OR3A2: variants seen among roughly 807,000 people sequenced by gnomAD.
OR3A2 encodes olfactory receptor 3A2.
For missense variants in OR3A2, 318 were observed against 392.8 expected (o/e 0.81, Z 1.61); for synonymous variants, 126 against 159.3 (o/e 0.79, Z 1.57).
intron 3 of OR3A2, among the ~76,000 whole-genome samples, chr17:3,316,421 A>C (rs985023134): frequency 6.6e-6 from 1 of 152,184 alleles, no homozygotes; most frequent in Non-Finnish European, 1.5e-5. Context: ...ATGATCTCAC[A>C]CACATCCCAA....
At chr17:3,316,301 T>C (rs901940725) in intron 3 of OR3A2, among the ~76,000 whole-genome samples, 1 of 152,212 alleles carries the variant, frequency 6.6e-6, no homozygotes, top group African/African-American at 2.4e-5. Context: ...TTTCAGACAT[T>C]GTGAGTTCTC....
chr17:3,326,675 G>T (rs1367098119), intron 3 of OR3A2, among the ~76,000 whole-genome samples: 1 of 146,262 alleles, frequency 6.8e-6, no homozygotes, highest in Non-Finnish European at 1.5e-5. Context: ...CTAGTATTAG[G>T]TATATCTCCC....
intron 2 of OR3A2, among the ~76,000 whole-genome samples, chr17:3,379,769 C>T (rs535798499): frequency 3.3e-5 from 5 of 152,156 alleles, no homozygotes; most frequent in African/African-American, 7.2e-5. Context: ...TAACACACCC[C>T]GTCCCTCACA....
intron 2 of OR3A2, among the ~76,000 whole-genome samples, chr17:3,340,826 C>A (rs1274376501): frequency 6.6e-6 from 1 of 152,092 alleles, no homozygotes; most frequent in Non-Finnish European, 1.5e-5. Context: ...TCCTTGTTAA[C>A]CTTCTGTCTT....
rs61742213 is a variant in OR3A2, at chr17:3,278,062, G to C, written c.856C>G (p.Pro286Ala). 9.2e-4 allele frequency: 1,478 copies of C among 1,614,084 alleles called. 9 individuals are homozygous for C. In the African/African-American group the frequency reaches 0.018, roughly 19 times the overall value. Residue 286 changes from proline (P) to alanine (A), a missense_variant, in exon 2 of 2, where the codon CCT (proline) becomes GCT (alanine). Pro to Ala is a conservative substitution (Grantham distance 27). Transcript: ENST00000642052. ...CTGTAGATAAGAGGGTTCAGCATAGGGTTGATAACAGTGTTGAAAACTCCA... is the reference window on the plus strand; with the variant it reads ...CTGTAGATAAGAGGGTTCAGCATAGCGTTGATAACAGTGTTGAAAACTCCA...
rs532715263 is a variant in OR3A2, at chr17:3,356,077, G to C, written c.-178-19951C>G. 1.4e-4 allele frequency among the ~76,000 whole-genome samples: 21 copies of C among 151,274 alleles called. 1 individual carries two copies. Among genetic ancestry groups the C allele is most frequent in the African/African-American group, 4.9e-4 (20 of 40,930 alleles). On this transcript the variant is annotated intron_variant, in intron 2 of 4. Coordinates refer to the OR3A2 transcript ENST00000573491. The stretch of plus-strand genomic sequence containing the variant: ...TTTAAACTGATGACAGCTTAACACT[G>C]AGTGCATAAACAATCAAACAAACAC...
At chr17:3,286,259 G>A (rs1341742966), upstream of OR3A2, among the ~76,000 whole-genome samples, 3 of 152,098 alleles carry the variant, frequency 2.0e-5, no homozygotes, top group Non-Finnish European at 2.9e-5. Context: ...CCTTTTTTAT[G>A]GCTGCATAGT....
chr17:3,348,077 C>T (rs1327928516), intron 2 of OR3A2, among the ~76,000 whole-genome samples: 2 of 152,076 alleles, frequency 1.3e-5, no homozygotes, highest in African/African-American at 2.4e-5. Context: ...CCTTTGCCCA[C>T]TTTTTGATGG....
chr17:3,375,245 T>TCC lies in OR3A2; in HGVS notation c.-179+8557_-179+8558dup, dbSNP rs59796994. 8.7e-5 allele frequency among the ~76,000 whole-genome samples: 4 copies of TCC among 46,006 alleles called. No individual in the cohort carries two copies. In the East Asian group the frequency reaches 3.4e-3, roughly 39 times the overall value. The allele number at this position is 46,006 out of a possible 152,430, so 30.2% of individuals were successfully genotyped here. On this transcript the variant is annotated intron_variant, in intron 2 of 4. Coordinates refer to the OR3A2 transcript ENST00000573491. ...TTTTTTTTTTCTTTTTTTTTTTTTTTCCCCCCCTTTTTGAGATAGTCTCAC... is the reference window on the plus strand; with the variant it reads ...TTTTTTTTTTCTTTTTTTTTTTTTTTCCCCCCCCCTTTTTGAGATAGTCTCAC...
intron 3 of OR3A2, among the ~76,000 whole-genome samples, chr17:3,315,822 G>A (rs562757887): frequency 3.3e-5 from 5 of 150,614 alleles, no homozygotes; most frequent in African/African-American, 1.2e-4. Flanking sequence ...AGCCTTCAGA[G>A]TGTCCCGTCA....
intron 2 of OR3A2, among the ~76,000 whole-genome samples, chr17:3,351,720 A>T (rs866843265): frequency 6.6e-6 from 1 of 150,862 alleles, no homozygotes; most frequent in Non-Finnish European, 1.5e-5. Flanking sequence ...AGCCCGCATC[A>T]CCAAGTCAAT....
At chr17:3,372,265 T>C (rs1040976428) in intron 2 of OR3A2, among the ~76,000 whole-genome samples, 27 of 144,634 alleles carry the variant, frequency 1.9e-4, no homozygotes, top group African/African-American at 4.5e-4. Context: ...CTAGATGGGA[T>C]GGCGGCCGGG....
chr17:3,301,650 C>G (rs955706536), intron 3 of OR3A2, among the ~76,000 whole-genome samples: 1 of 152,124 alleles, frequency 6.6e-6, no homozygotes, highest in African/African-American at 2.4e-5. Flanking sequence ...GTTGCCTGTT[C>G]ACTCTGATGG....
chr17:3,342,150 T>C (rs2049324251), intron 2 of OR3A2, among the ~76,000 whole-genome samples: 1 of 152,224 alleles, frequency 6.6e-6, no homozygotes, highest in Admixed American at 6.5e-5. Context: ...CTGTTTATTC[T>C]AGTTAGCCAT....
intron 2 of OR3A2, among the ~76,000 whole-genome samples, chr17:3,342,258 C>G (rs540094371): frequency 6.6e-6 from 1 of 152,342 alleles, no homozygotes; most frequent in Admixed American, 6.5e-5. Flanking sequence ...TTTCTGAAGC[C>G]TACTTCTGTC....
At chr17:3,336,583 T>G (rs766993471) in intron 2 of OR3A2, among the ~76,000 whole-genome samples, 3 of 152,192 alleles carry the variant, frequency 2.0e-5, no homozygotes, top group Non-Finnish European at 4.4e-5. Context: ...CCAAGAGAGA[T>G]GTGCAATTAT....
rs116290417 is a variant in OR3A2 at position 3,311,942 on chromosome 17, G to A, written c.-85+24091C>T. 2,376 of 154,348 alleles carry A rather than the reference G, an allele frequency of 0.015. 57 individuals are homozygous for A. The highest frequency in any genetic ancestry group is 0.054 in the African/African-American group (2,237 of 41,494). 9.6% of individuals were successfully genotyped at this position (154,348 alleles called of 1,614,324 possible). ...AAGAGGCCCCCAGCTTGAGAAGATGGGGTTCAAAATGCAACCTCCCTCCTC... is the reference window on the plus strand; with the variant it reads ...AAGAGGCCCCCAGCTTGAGAAGATGAGGTTCAAAATGCAACCTCCCTCCTC... On this transcript the variant is annotated intron_variant, in intron 3 of 4. Coordinates refer to the OR3A2 transcript ENST00000573491. This position sits in a 1 kb window ranked among gnomAD's most constrained non-coding sequence, Gnocchi z 4.6.
intron 3 of OR3A2, among the ~76,000 whole-genome samples, chr17:3,325,518 A>G (rs2049164300): frequency 6.6e-6 from 1 of 151,938 alleles, no homozygotes; most frequent in African/African-American, 2.4e-5. Context: ...CCTGTTCTAA[A>G]TGTTTTAAGT....
chr17:3,347,071 G>T (rs777716696), intron 2 of OR3A2, among the ~76,000 whole-genome samples: 1 of 152,066 alleles, frequency 6.6e-6, no homozygotes, highest in African/African-American at 2.4e-5. Context: ...GAGACTGCTG[G>T]ATCATAGGAT....
Sources: allele counts gnomAD v4.1 joint callset (sites outside exome capture counted in the v4.1 genomes callset), GRCh38; gene constraint gnomAD v4.1.1; non-coding constraint Gnocchi (gnomAD v3.1); transcripts MANE v1.5; gene names NCBI Gene and HGNC (gene_info 2026-07-23, HGNC 2026-07-21).